The following HRH2 variants were observed in gnomAD, a reference collection of about 807,000 sequenced individuals.
HRH2 encodes the protein histamine H2 receptor.
HRH2 carries 4 observed loss-of-function variants against 20.1 expected under a neutral mutation model. That is an observed-to-expected ratio of 0.20 (90% CI 0.10 to 0.45). HRH2 has a LOEUF of 0.45. Ranked by LOEUF, HRH2 falls within the 20% of genes least tolerant of loss-of-function variation. The pLI is 0.99. For synonymous variants in HRH2, 197 were observed against 200.7 expected (o/e 0.98, Z 0.16); for missense variants, 250 against 461.6 (o/e 0.54, Z 4.20).
intron 2 of HRH2, 159 bp downstream of exon 2, chr5:175,684,468 G>A (rs559621054): frequency 3.0e-5 from 16 of 538,606 alleles, no homozygotes; most frequent in East Asian, 1.5e-4. Flanking sequence ...TCCTCCCAAC[G>A]GCCCCCAAAG....
At chr5:175,706,535 G>A (rs1756945506) in intron 2 of HRH2, among the ~76,000 whole-genome samples, 1 of 152,192 alleles carries the variant, frequency 6.6e-6, no homozygotes, top group African/African-American at 2.4e-5. Context: ...AGTGCAATGA[G>A]AGTTGCCTTC....
At position 175,710,320 on chromosome 5, in the gene HRH2, CA is replaced by C. The variant is rs1757056732; in HGVS notation, c.*2350del. ...AAGAGAGTGCAGAGAGTGGCCAAAA[CA>C]GATGCTTTCAGCAGTGTATCTGCCA... On this transcript the variant is annotated 3_prime_UTR_variant, in exon 3 of 3. Coordinates refer to ENST00000636584, the MANE Select transcript of HRH2 (RefSeq NM_001367711.1). 6.6e-6 allele frequency: 1 copy of C among 152,294 alleles called. No homozygotes were observed. Among genetic ancestry groups the C allele is most frequent in the South Asian group, 2.1e-4 (1 of 4,826 alleles). 9.4% of individuals were successfully genotyped at this position (152,294 alleles called of 1,614,324 possible).
At chr5:175,670,591 G>T (rs374502486) in intron 1 of HRH2, among the ~76,000 whole-genome samples, 1 of 152,126 alleles carries the variant, frequency 6.6e-6, no homozygotes, top group Non-Finnish European at 1.5e-5. Context: ...CCTGTCCTCG[G>T]TCCTACTAAT....
intron 1 of HRH2, among the ~76,000 whole-genome samples, chr5:175,666,208 G>C (rs1288165250): frequency 6.6e-6 from 1 of 152,196 alleles, no homozygotes; most frequent in African/African-American, 2.4e-5. Flanking sequence ...TAGAGGCTGA[G>C]CCAGTGTGGG....
At chr5:175,705,714 G>T (rs1756926046) in intron 2 of HRH2, among the ~76,000 whole-genome samples, 2 of 151,578 alleles carry the variant, frequency 1.3e-5, no homozygotes, top group Admixed American at 1.3e-4. Flanking sequence ...CCAGGCTGGA[G>T]TGCAGTGGCA....
Position 175,683,043 on chromosome 5 carries a change from A to G in HRH2, c.-191A>G, listed in dbSNP as rs956757276. On this transcript the variant is annotated 5_prime_UTR_variant, in exon 2 of 3. The change abolishes the stop of an existing upstream ORF in the 5' untranslated region. Coordinates refer to ENST00000636584, the MANE Select transcript of HRH2 (RefSeq NM_001367711.1). ...AGAAGGTGTTGCTTAATTTATTTCT[A>G]GAAAAGCAGCCCAGAGTCAGTCATT... The G allele has an allele frequency of 1.7e-5, 11 of 661,400 alleles. No homozygotes were observed. In the African/African-American group the frequency reaches 1.8e-4, roughly 11 times the overall value. 41.0% of individuals were successfully genotyped at this position (661,400 alleles called of 1,614,324 possible). A position where few individuals can be genotyped will look rare whatever the true frequency, so the allele number is the denominator to read the frequency against.
At chr5:175,685,676 C>G in intron 2 of HRH2, 1 of 622,378 alleles carries the variant, frequency 1.6e-6, no homozygotes, top group Non-Finnish European at 2.9e-6. Flanking sequence ...GTTTCCTCAT[C>G]GCATAGAGAG....
intron 1 of HRH2, among the ~76,000 whole-genome samples, chr5:175,676,511 GCT>G (rs1158707045): frequency 6.6e-6 from 1 of 152,188 alleles, no homozygotes; most frequent in African/African-American, 2.4e-5. Flanking sequence ...CTGCCCCAGG[GCT>G]CGTCTCCGGC....
chr5:175,663,368 G>A (rs557877581), intron 1 of HRH2, among the ~76,000 whole-genome samples: 1 of 152,150 alleles, frequency 6.6e-6, no homozygotes, highest in South Asian at 2.1e-4. Context: ...GTGTGAAGTC[G>A]TGTCATTGTG....
At chr5:175,695,828 G>C (rs1267649414) in intron 2 of HRH2, among the ~76,000 whole-genome samples, 1 of 152,246 alleles carries the variant, frequency 6.6e-6, no homozygotes. Context: ...AGGAGTCTTC[G>C]AAGGGGCTGA....
At position 175,677,362 on chromosome 5, in the gene HRH2, T is replaced by C. The variant is rs941577827; in HGVS notation, c.-525-5347T>C. ...ATATCTTAGCTACTGTGAATAGTGC[T>C]GTGAAAAACATGAGCTCAGGTATCT... is the stretch of plus-strand genomic sequence containing the variant. On this transcript the variant is annotated intron_variant, in intron 1 of 2. Coordinates refer to ENST00000636584, the MANE Select transcript of HRH2 (RefSeq NM_001367711.1). The surrounding 1 kb of genome is among the most constrained non-coding windows in gnomAD (Gnocchi z 4.2). Among the ~76,000 whole-genome samples, 24 of 152,324 alleles carry C rather than the reference T, an allele frequency of 1.6e-4. No individual in the cohort carries two copies. The highest frequency in any genetic ancestry group is 3.2e-4 in the Non-Finnish European group (22 of 68,024).
intron 2 of HRH2, among the ~76,000 whole-genome samples, chr5:175,696,859 G>C (rs1259595138): frequency 6.6e-6 from 1 of 152,210 alleles, no homozygotes; most frequent in Non-Finnish European, 1.5e-5. Context: ...AAGGAACTGA[G>C]TTAAGACATA....
Position 175,709,348 on chromosome 5 carries a change from A to G in HRH2, c.*1377A>G, listed in dbSNP as rs1757029989. 6.6e-6 allele frequency: 1 copy of G among 152,084 alleles called. No homozygotes were observed. The highest frequency in any genetic ancestry group is 1.5e-5 in the Non-Finnish European group (1 of 68,064). 9.4% of individuals were successfully genotyped at this position (152,084 alleles called of 1,614,324 possible). On this transcript the variant is annotated 3_prime_UTR_variant, in exon 3 of 3. Transcript: ENST00000636584. ...TCTCTCCTCCTGTGACCTCGTCTGC[A>G]CCCACAACTCCAGTTACAAGGCACG...
chr5:175,699,809 G>A (rs1437403903), intron 2 of HRH2, among the ~76,000 whole-genome samples: 1 of 152,178 alleles, frequency 6.6e-6, no homozygotes. Flanking sequence ...TCCTGACCTC[G>A]TGATCCGCCC....
At chr5:175,692,422 A>G (rs1395767811) in intron 2 of HRH2, among the ~76,000 whole-genome samples, 3 of 152,224 alleles carry the variant, frequency 2.0e-5, no homozygotes, top group Admixed American at 1.3e-4. Context: ...AATGTGTGCC[A>G]TTTCCAGCCC....
chr5:175,689,832 C>T (rs1252631511), intron 2 of HRH2, among the ~76,000 whole-genome samples: 4 of 152,214 alleles, frequency 2.6e-5, no homozygotes, highest in Non-Finnish European at 5.9e-5. Context: ...GATGGGAATC[C>T]GGAGTTCCCA....
chr5:175,704,946 T>C (rs928904308), intron 2 of HRH2, among the ~76,000 whole-genome samples: 1 of 152,000 alleles, frequency 6.6e-6, no homozygotes. Flanking sequence ...CTTTTATAAA[T>C]TGCATTTTCT....
intron 1 of HRH2, among the ~76,000 whole-genome samples, chr5:175,660,650 G>A (rs986772990): frequency 1.3e-4 from 20 of 152,124 alleles, no homozygotes; most frequent in Admixed American, 3.3e-4. Context: ...ACCTGGCTTC[G>A]AGTTCTGAGA....
In HRH2 at chr5:175,709,365, CA is replaced by C. The variant is rs1222707118; in HGVS notation, c.*1396del. 1 of 152,290 alleles carries C rather than the reference CA, an allele frequency of 6.6e-6. No homozygotes were observed. The highest frequency in any genetic ancestry group is 1.5e-5 in the Non-Finnish European group (1 of 68,100). 9.4% of individuals were successfully genotyped at this position (152,290 alleles called of 1,614,324 possible). On this transcript the variant is annotated 3_prime_UTR_variant, in exon 3 of 3. Coordinates refer to ENST00000636584, the MANE Select transcript of HRH2 (RefSeq NM_001367711.1). ...TCGTCTGCACCCACAACTCCAGTTA[CA>C]AGGCACGAGGTTTGGTTATGAAATC...
Sources: allele counts gnomAD v4.1 joint callset (sites outside exome capture counted in the v4.1 genomes callset), GRCh38; gene constraint gnomAD v4.1.1; non-coding constraint Gnocchi (gnomAD v3.1); transcripts MANE v1.5; gene names NCBI Gene and HGNC (gene_info 2026-07-23, HGNC 2026-07-21).